ANKRD24: variants seen among roughly 807,000 people sequenced by gnomAD.
ANKRD24 encodes the protein ankyrin repeat domain 24.
A neutral mutation model predicts 127.8 loss-of-function variants in ANKRD24; 109 were observed. The observed-to-expected ratio is 0.85, with a 90% confidence interval of 0.73 to 1.00. The LOEUF (loss-of-function observed/expected upper bound fraction) is 1.00, where lower values mean the gene tolerates loss of function less well. Among genes scored for constraint, ANKRD24 ranks in the 50% least tolerant of loss-of-function variants. ANKRD24 has a pLI of 0.00. For synonymous variants in ANKRD24, 743 were observed against 671.1 expected (o/e 1.11, Z -1.66); for missense variants, 1,648 against 1,570.2 (o/e 1.05, Z -0.84).
At chr19:4,189,531 C>T (rs1021043756) in intron 2 of ANKRD24, among the ~76,000 whole-genome samples, 1 of 150,198 alleles carries the variant, frequency 6.7e-6, no homozygotes, top group African/African-American at 2.4e-5. Flanking sequence ...CCATTATAGG[C>T]ATGAGCCACC....
intron 13 of ANKRD24, among the ~76,000 whole-genome samples, chr19:4,210,684 T>G (rs1969672941): frequency 6.6e-6 from 1 of 152,018 alleles, no homozygotes; most frequent in Non-Finnish European, 1.5e-5. Context: ...CTCACCTACT[T>G]TATGCAGTAG....
In ANKRD24 at chr19:4,217,218, A is replaced by G; in HGVS notation, c.2058A>G (p.Gly686=). ...GGGCCACAGGGATGGAATCCACAGG[A>G]GTCAGTGCCACAGGTGTGGAGAACC... ...GSRATGMEST[G]VSATGVENPG... is the part of the protein sequence containing the mutation. The change falls in exon 18 of 22, where the codon GGA becomes GGG. Residue 686 remains glycine (G), a synonymous_variant. Coordinates refer to ENST00000318934, the MANE Select transcript of ANKRD24 (RefSeq NM_001393985.1). 1 of 1,603,146 alleles carries G rather than the reference A, an allele frequency of 6.2e-7. No homozygotes were observed.
In ANKRD24 at chr19:4,199,575, CT is replaced by C; in HGVS notation, c.37-104del. ...CTCAGGGGATGATGCTGGTGGTGGG[CT>C]TTTGTTGGACAACTGGGGTGATGGG... On this transcript the variant is annotated intron_variant, in intron 2 of 21. Transcript: ENST00000318934. The surrounding 1 kb of genome is among the most constrained non-coding windows in gnomAD (Gnocchi z 5.2). The C allele has an allele frequency of 7.0e-7, 1 of 1,437,780 alleles. No individual in the cohort carries two copies. The allele number at this position is 1,437,780 out of a possible 1,614,324, so 89.1% of individuals were successfully genotyped here.
intron 2 of ANKRD24, among the ~76,000 whole-genome samples, chr19:4,196,338 T>TTGTTGC (rs78185049): frequency 2.6e-5 from 1 of 38,486 alleles, no homozygotes; most frequent in Non-Finnish European, 7.8e-5. Context: ...GACCTCGGTT[T>TTGTTGC]TGTTGTTGTT....
Position 4,218,142 on chromosome 19 carries a change from G to A in ANKRD24, c.2982G>A (p.Lys994=). The A allele has an allele frequency of 2.0e-6, 3 of 1,526,748 alleles. No individual in the cohort carries two copies. Among genetic ancestry groups the A allele is most frequent in the East Asian group, 2.6e-5 (1 of 38,904 alleles). The allele number at this position is 1,526,748 out of a possible 1,614,324, so 94.6% of individuals were successfully genotyped here. A position where few individuals can be genotyped will look rare whatever the true frequency, so the allele number is the denominator to read the frequency against. The change falls in exon 18 of 22, where the codon AAG becomes AAA. Residue 994 remains lysine (K), a synonymous_variant. Coordinates refer to ENST00000318934, the MANE Select transcript of ANKRD24 (RefSeq NM_001393985.1). ...AGGAGCTGGGACGGCGGCATGAGAAGACCAGCGCAGAGGTCTTCCAGGTGA... is the reference window on the plus strand; with the variant it reads ...AGGAGCTGGGACGGCGGCATGAGAAAACCAGCGCAGAGGTCTTCCAGGTGA... ...QLEELGRRHE[K]TSAEVFQVQR...
chr19:4,218,486 G>T (rs1970259005), intron 18 of ANKRD24, among the ~76,000 whole-genome samples: 1 of 151,772 alleles, frequency 6.6e-6, no homozygotes, highest in African/African-American at 2.4e-5. Flanking sequence ...TTTTAGTAGA[G>T]ATGGGAGTTC....
At chr19:4,219,569 C>T (rs1352143109) in intron 18 of ANKRD24, 22 bp from the exon 19 acceptor site, 1 of 1,588,722 alleles carries the variant, frequency 6.3e-7, no homozygotes, top group Non-Finnish European at 8.6e-7. Context: ...TCCTGAGAGT[C>T]ATGCGTGGGC....
chr19:4,196,356 T>TTGTTGC (rs1968736632), intron 2 of ANKRD24, among the ~76,000 whole-genome samples: 1 of 151,724 alleles, frequency 6.6e-6, no homozygotes, highest in African/African-American at 2.4e-5. Flanking sequence ...GTTGTTGTTG[T>TTGTTGC]TTTAGTTTGT....
chr19:4,203,403 G>T (rs563058431), intron 7 of ANKRD24, among the ~76,000 whole-genome samples: 1 of 151,904 alleles, frequency 6.6e-6, no homozygotes, highest in East Asian at 1.9e-4. Flanking sequence ...CTGAAGTACA[G>T]TGGGGCAATC....
In ANKRD24 at chr19:4,207,765, C is replaced by T. The variant is rs1326782586; in HGVS notation, c.645-16C>T. Reference sequence around the variant, plus strand: ...GGGGATGTTCTCATCTCCTCAGTAGCCCCCTCCCCTGGTAGGACGGCCCTG... The same window carrying T: ...GGGGATGTTCTCATCTCCTCAGTAGTCCCCTCCCCTGGTAGGACGGCCCTG... On this transcript the variant is annotated splice_polypyrimidine_tract_variant and intron_variant, in intron 9 of 21. Coordinates refer to ENST00000318934, the MANE Select transcript of ANKRD24 (RefSeq NM_001393985.1). The T allele has an allele frequency of 1.5e-5, 24 of 1,564,278 alleles. No homozygotes were observed. The highest frequency in any genetic ancestry group is 2.1e-5 in the Non-Finnish European group (24 of 1,153,670).
In ANKRD24 at chr19:4,224,721, G is replaced by C. The variant is rs532501180; in HGVS notation, c.*216G>C. 2 of 576,928 alleles carry C rather than the reference G, an allele frequency of 3.5e-6. No individual in the cohort carries two copies. Among genetic ancestry groups the C allele is most frequent in the Admixed American group, 6.0e-5 (2 of 33,262 alleles). 35.7% of individuals were successfully genotyped at this position (576,928 alleles called of 1,614,324 possible). On this transcript the variant is annotated 3_prime_UTR_variant, in exon 22 of 22. Transcript: ENST00000318934. ...ACACTGGTCAGTCTGGACCCGGGCC[G>C]TGACTGCCCCTCCCCCACCACCGGA... is the stretch of plus-strand genomic sequence containing the variant.
rs1248860591 is a variant in ANKRD24, at chr19:4,222,663, C to T, written c.3172-7C>T. ...AGGGTGATCGCTGACAGCACCTGCA[C>T]CCTCAGATCACAGAACTCTCCAAAG... On this transcript the variant is annotated splice_polypyrimidine_tract_variant and splice_region_variant and intron_variant, in intron 19 of 21. Coordinates refer to ENST00000318934, the MANE Select transcript of ANKRD24 (RefSeq NM_001393985.1). 3.1e-6 allele frequency: 5 copies of T among 1,597,516 alleles called. No individual in the cohort carries two copies.
rs996190635 is a variant in ANKRD24 at position 4,187,618 on chromosome 19, TGTG to T, written c.36+1159_36+1161del. 1.0e-3 allele frequency among the ~76,000 whole-genome samples: 157 copies of T among 152,266 alleles called. No homozygotes were observed. In the Middle Eastern group the frequency reaches 0.014, roughly 13 times the overall value. On this transcript the variant is annotated intron_variant, in intron 2 of 21. Coordinates refer to ENST00000318934, the MANE Select transcript of ANKRD24 (RefSeq NM_001393985.1). ...ATTCTTCTCAGCCCCCTCAAGTCCC[TGTG>T]GCGGCCAATTCAGGGCACAGATGGG...
At position 4,182,752 on chromosome 19, in the gene ANKRD24, G is replaced by T; in HGVS notation, c.-37+12G>T. 7.2e-7 allele frequency: 1 copy of T among 1,393,152 alleles called. No homozygotes were observed. 86.3% of individuals were successfully genotyped at this position (1,393,152 alleles called of 1,614,324 possible). A position where few individuals can be genotyped will look rare whatever the true frequency, so the allele number is the denominator to read the frequency against. On this transcript the variant is annotated intron_variant, in intron 1 of 21. Coordinates refer to ENST00000318934, the MANE Select transcript of ANKRD24 (RefSeq NM_001393985.1). ...CTCTTTGCATGCAGGTGTTTGCGGG[G>T]CTTGGGAAGGGGCTCCCCGATGACC...
At chr19:4,187,231 G>C (rs564776649) in intron 2 of ANKRD24, among the ~76,000 whole-genome samples, 5 of 152,058 alleles carry the variant, frequency 3.3e-5, no homozygotes, top group Non-Finnish European at 7.4e-5. Context: ...TGGCCAACAT[G>C]GTGAAACGTT....
rs1381937949 is a variant in ANKRD24 at position 4,195,814 on chromosome 19, A to T, written c.37-3869A>T. On this transcript the variant is annotated intron_variant, in intron 2 of 21. Transcript: ENST00000318934. The surrounding 1 kb of genome is among the most constrained non-coding windows in gnomAD (Gnocchi z 4.2). ...GAAGCTGAAGCAGGAGAATTGCTTG[A>T]ACCCGGGAGGCAGAGCTTGCAGTGA... is the stretch of plus-strand genomic sequence containing the variant. Among the ~76,000 whole-genome samples the T allele has an allele frequency of 1.3e-5, 2 of 152,170 alleles. No homozygotes were observed.
chr19:4,189,291 G>T (rs539241175), intron 2 of ANKRD24, among the ~76,000 whole-genome samples: 1 of 128,354 alleles, frequency 7.8e-6, no homozygotes, highest in African/African-American at 2.9e-5. Context: ...TGTTGCTCAG[G>T]CTGGAGTGCA....
intron 10 of ANKRD24, 115 bp from the exon 11 acceptor site, chr19:4,208,649 T>C: frequency 9.7e-7 from 1 of 1,027,744 alleles, no homozygotes; most frequent in Non-Finnish European, 1.4e-6. Flanking sequence ...GATTTCTACC[T>C]TAAACGCCCT....
intron 8 of ANKRD24, 35 bp downstream of exon 8, chr19:4,207,347 T>G (rs1397147312): frequency 6.2e-7 from 1 of 1,607,260 alleles, no homozygotes; most frequent in African/African-American, 1.3e-5. Context: ...GAAGATGTTA[T>G]GCTTGAGGTA....
Sources: allele counts gnomAD v4.1 joint callset (sites outside exome capture counted in the v4.1 genomes callset), GRCh38; gene constraint gnomAD v4.1.1; non-coding constraint Gnocchi (gnomAD v3.1); transcripts MANE v1.5; gene names NCBI Gene and HGNC (gene_info 2026-07-23, HGNC 2026-07-21).